FAM193A: variants seen among roughly 807,000 people sequenced by gnomAD.
FAM193A encodes the protein protein FAM193A.
A neutral mutation model predicts 126.5 loss-of-function variants in FAM193A; 22 were observed. The observed-to-expected ratio is 0.17, with a 90% CI of 0.12 to 0.25. The LOEUF (loss-of-function observed/expected upper bound fraction) is 0.25. Ranked by LOEUF, FAM193A falls within the 10% of genes least tolerant of loss-of-function variation. The probability of loss-of-function intolerance (pLI) is 1.00; values close to 1 mark genes in which losing one functional copy is unlikely to be tolerated. For missense variants in FAM193A, 1,675 were observed against 1,672.8 expected, an observed-to-expected ratio of 1.00 and a Z score of -0.02; for synonymous variants, 761 against 646.8, an observed-to-expected ratio of 1.18 and a Z score of -2.68.
At chr4:2,691,602 C>T (rs1414707669) in intron 15 of FAM193A, among the ~76,000 whole-genome samples, 1 of 151,986 alleles carries the variant, frequency 6.6e-6, no homozygotes, top group African/African-American at 2.4e-5. Context: ...AATGGCAACT[C>T]AGTAGCTGGC....
intron 1 of FAM193A, among the ~76,000 whole-genome samples, chr4:2,562,285 C>CA (rs781612817): frequency 6.6e-6 from 1 of 151,942 alleles, no homozygotes; most frequent in Non-Finnish European, 1.5e-5. Context: ...CTCGTCTCTA[C>CA]AAAAAATATA....
intron 8 of FAM193A, 44 bp from the exon 9 acceptor site, chr4:2,659,514 G>A: frequency 7.5e-7 from 1 of 1,333,390 alleles, no homozygotes; most frequent in Non-Finnish European, 1.1e-6. Context: ...CCATGTCTCG[G>A]GGAAGGGTCT....
intron 1 of FAM193A, among the ~76,000 whole-genome samples, chr4:2,580,233 G>T (rs887608672): frequency 6.6e-6 from 1 of 152,128 alleles, no homozygotes; most frequent in Non-Finnish European, 1.5e-5. Context: ...GTGAGAATAA[G>T]CAGAACAGAA....
At chr4:2,649,876 T>C (rs1241399531) in intron 7 of FAM193A, among the ~76,000 whole-genome samples, 1 of 152,190 alleles carries the variant, frequency 6.6e-6, no homozygotes, top group East Asian at 1.9e-4. Flanking sequence ...TGTCAGTGTT[T>C]ATAGCCACTC....
At chr4:2,649,014 G>C (rs1745406872) in intron 7 of FAM193A, among the ~76,000 whole-genome samples, 1 of 152,184 alleles carries the variant, frequency 6.6e-6, no homozygotes, top group Non-Finnish European at 1.5e-5. Flanking sequence ...AGATAATTAT[G>C]TTAGGTGATG....
At chr4:2,684,593 C>G (rs1577201552) in intron 13 of FAM193A, among the ~76,000 whole-genome samples, 1 of 152,218 alleles carries the variant, frequency 6.6e-6, no homozygotes, top group East Asian at 1.9e-4. Context: ...CTGTGAGAAC[C>G]ACAGCCCTCC....
intron 7 of FAM193A, among the ~76,000 whole-genome samples, chr4:2,648,260 G>A (rs1745337734): frequency 6.6e-6 from 1 of 152,140 alleles, no homozygotes; most frequent in South Asian, 2.1e-4. Flanking sequence ...GGAATTCTGT[G>A]CTGTTGAGCT....
chr4:2,571,463 G>A (rs1463675712), intron 1 of FAM193A, among the ~76,000 whole-genome samples: 3 of 152,072 alleles, frequency 2.0e-5, no homozygotes, highest in African/African-American at 7.2e-5. Context: ...TGGCTTCTGA[G>A]GTAGAAGTCC....
At position 2,710,542 on chromosome 4, in the gene FAM193A, C is replaced by T. The variant is rs774013165; in HGVS notation, c.4373-5481C>T. 5.5e-4 allele frequency among the ~76,000 whole-genome samples: 84 copies of T among 151,956 alleles called. 1 individual carries two copies. The highest frequency in any genetic ancestry group is 1.3e-4 in the Non-Finnish European group (9 of 68,008). On this transcript the variant is annotated intron_variant, in intron 19 of 20. Transcript: ENST00000637812. Reference sequence around the variant, plus strand: ...TTAAGACAGAGTCTCACTCATGTTGCCCAGGCTGGAGTGCAGTGGCACACT... The same window carrying T: ...TTAAGACAGAGTCTCACTCATGTTGTCCAGGCTGGAGTGCAGTGGCACACT...
In FAM193A at chr4:2,696,345, C is replaced by G. The variant is rs746985588; in HGVS notation, c.3277-18C>G. Reference sequence around the variant, plus strand: ...CAAAATTTTTAAAACTTAAGCATAACTTTGTTGTTTTTCTCAGCCTCCAGC... The same window carrying G: ...CAAAATTTTTAAAACTTAAGCATAAGTTTGTTGTTTTTCTCAGCCTCCAGC... On this transcript the variant is annotated intron_variant, in intron 17 of 20. Transcript: ENST00000637812. The G allele has an allele frequency of 5.7e-6, 9 of 1,565,824 alleles. No individual in the cohort carries two copies. In the African/African-American group the frequency reaches 1.2e-4, roughly 21 times the overall value.
chr4:2,548,648 G>T lies in FAM193A; in HGVS notation c.255+11478G>T, dbSNP rs1482031505. ...ATTTTTGTATTTTTAGTAGAGATGG[G>T]GTTTCACCATATTGGCCATGCTGGT... On this transcript the variant is annotated intron_variant, in intron 1 of 20. Coordinates refer to ENST00000637812, the MANE Select transcript of FAM193A (RefSeq NM_001366318.2). Among the ~76,000 whole-genome samples, 4 of 151,470 alleles carry T rather than the reference G, an allele frequency of 2.6e-5. No individual in the cohort carries two copies. In the East Asian group the frequency reaches 7.8e-4, roughly 30 times the overall value.
At position 2,614,017 on chromosome 4, in the gene FAM193A, T is replaced by C. The variant is rs139552028; in HGVS notation, c.502-11245T>C. Among the ~76,000 whole-genome samples the C allele has an allele frequency of 7.8e-3, 1,143 of 146,628 alleles. 7 individuals are homozygous for C. Among genetic ancestry groups the C allele is most frequent in the Non-Finnish European group, 0.012 (801 of 66,358 alleles). ...GTTGAACTCCTGGCCTCGTGATCCA[T>C]GTGCGTCGGCCTCCCAAAGTGCTGG... On this transcript the variant is annotated intron_variant, in intron 2 of 20. Coordinates refer to ENST00000637812, the MANE Select transcript of FAM193A (RefSeq NM_001366318.2).
chr4:2,669,843 GTAGGGTC>G (rs1313872243), intron 12 of FAM193A, among the ~76,000 whole-genome samples: 4 of 152,186 alleles, frequency 2.6e-5, no homozygotes, highest in African/African-American at 9.7e-5. Context: ...AGGTGTTTTA[GTAGGGTC>G]TGGGGTCATC....
At chr4:2,610,410 A>G (rs1741795836) in intron 2 of FAM193A, among the ~76,000 whole-genome samples, 3 of 152,222 alleles carry the variant, frequency 2.0e-5, no homozygotes, top group South Asian at 4.1e-4. Context: ...TTTAGGTCAT[A>G]TTAGAAACGT....
At chr4:2,614,864 T>G (rs553611992) in intron 2 of FAM193A, among the ~76,000 whole-genome samples, 3 of 152,376 alleles carry the variant, frequency 2.0e-5, no homozygotes, top group African/African-American at 7.2e-5. Flanking sequence ...TTATATTAAA[T>G]GTTGTGACAT....
chr4:2,622,616 G>A (rs1258605283), intron 2 of FAM193A, among the ~76,000 whole-genome samples: 3 of 152,198 alleles, frequency 2.0e-5, no homozygotes, highest in Non-Finnish European at 2.9e-5. Flanking sequence ...TGTAAACAGC[G>A]GACATTTATA....
At chr4:2,616,021 G>A (rs1639193218) in intron 2 of FAM193A, among the ~76,000 whole-genome samples, 1 of 151,962 alleles carries the variant, frequency 6.6e-6, no homozygotes, top group African/African-American at 2.4e-5. Flanking sequence ...GGCTGGTCTC[G>A]AACTCCTGAG....
At chr4:2,688,747 A>C (rs1404081410) in intron 13 of FAM193A, among the ~76,000 whole-genome samples, 1 of 152,260 alleles carries the variant, frequency 6.6e-6, no homozygotes, top group African/African-American at 2.4e-5. Flanking sequence ...GCACTGCGCC[A>C]CTGTGAGAAC....
chr4:2,615,054 T>C (rs923869328), intron 2 of FAM193A: 10 of 152,206 alleles, frequency 6.6e-5, no homozygotes, highest in African/African-American at 2.4e-4. Flanking sequence ...TGCTTTTCCA[T>C]TTTCTTTTTT....
Sources: allele counts gnomAD v4.1 joint callset (sites outside exome capture counted in the v4.1 genomes callset), GRCh38; gene constraint gnomAD v4.1.1; transcripts MANE v1.5; gene names NCBI Gene and HGNC (gene_info 2026-07-23, HGNC 2026-07-21).